TBCA: variants seen among roughly 807,000 people sequenced by gnomAD.
TBCA encodes tubulin-specific chaperone A.
TBCA carries 6 observed loss-of-function variants against 15.8 expected under a neutral mutation model. The ratio of observed to expected loss-of-function variants is 0.38; its 90% CI spans 0.21 to 0.75. The LOEUF (loss-of-function observed/expected upper bound fraction) is 0.75. Among genes scored for constraint, TBCA ranks in the 30% least tolerant of loss-of-function variants. The pLI, the probability that TBCA is intolerant of heterozygous loss-of-function variation, is 0.46. For missense variants in TBCA, 90 were observed against 131.2 expected, an observed-to-expected ratio of 0.69 and a Z score of 1.53; for synonymous variants, 32 against 42.3, an observed-to-expected ratio of 0.76 and a Z score of 0.94.
chr5:77,713,855 A>G (rs1401333786), intron 1 of TBCA, among the ~76,000 whole-genome samples: 2 of 152,170 alleles, frequency 1.3e-5, no homozygotes, highest in African/African-American at 4.8e-5. Flanking sequence ...TAGGTTCATT[A>G]TATAACCCAC....
intron 1 of TBCA, among the ~76,000 whole-genome samples, chr5:77,761,900 A>T (rs1747651928): frequency 6.6e-6 from 1 of 152,250 alleles, no homozygotes. Context: ...TACATGGGAA[A>T]GTTTAATACT....
At chr5:77,716,863 AAGG>A (rs1426870769) in intron 1 of TBCA, among the ~76,000 whole-genome samples, 1 of 152,218 alleles carries the variant, frequency 6.6e-6, no homozygotes, top group East Asian at 1.9e-4. Flanking sequence ...ATGCCCTTCA[AAGG>A]AAGAAACCAA....
At chr5:77,755,926 C>T (rs547872892) in intron 1 of TBCA, among the ~76,000 whole-genome samples, 1 of 152,188 alleles carries the variant, frequency 6.6e-6, no homozygotes, top group African/African-American at 2.4e-5. Context: ...ATAGCTCGAA[C>T]CCGGGAGGCG....
intron 2 of TBCA, among the ~76,000 whole-genome samples, chr5:77,705,231 A>C (rs185339864): frequency 1.9e-4 from 29 of 152,354 alleles, no homozygotes; most frequent in Admixed American, 1.2e-3. Context: ...CATGTAACTG[A>C]TAACTCCTAT....
chr5:77,729,738 GCAAA>G, intron 1 of TBCA, among the ~76,000 whole-genome samples: 1 of 152,178 alleles, frequency 6.6e-6, no homozygotes, highest in African/African-American at 2.4e-5. Flanking sequence ...GATGGGCAAA[GCAAA>G]CATTTACGCT....
intron 1 of TBCA, among the ~76,000 whole-genome samples, chr5:77,775,899 C>G (rs1205083839): frequency 6.6e-6 from 1 of 152,218 alleles, no homozygotes; most frequent in Non-Finnish European, 1.5e-5. Context: ...CCGGCCCGCC[C>G]TCGCAGGCCG....
intron 2 of TBCA, among the ~76,000 whole-genome samples, chr5:77,699,535 A>G (rs1226806964): frequency 6.6e-6 from 1 of 152,244 alleles, no homozygotes; most frequent in East Asian, 1.9e-4. Flanking sequence ...ATTGACTGGC[A>G]AAAAGATGAA....
Position 77,714,019 on chromosome 5 carries a change from A to C in TBCA, c.54-5672T>G, listed in dbSNP as rs375496087. On this transcript the variant is annotated intron_variant, in intron 1 of 3. Transcript: ENST00000380377. ...CAGAATCCATTGAAAAAAAAAAAAA[A>C]CCCCATCTATGTACATTAAGAATTT... Among the ~76,000 whole-genome samples, 28 of 141,896 alleles carry C rather than the reference A, an allele frequency of 2.0e-4. No individual in the cohort carries two copies. The South Asian group carries it at 3.9e-3, about 20-fold the overall frequency. 93.1% of individuals were successfully genotyped at this position (141,896 alleles called of 152,430 possible). A position where few individuals can be genotyped will look rare whatever the true frequency, so the allele number is the denominator to read the frequency against.
chr5:77,766,512 A>ATTTTTTTTT (rs1180091515), intron 1 of TBCA, among the ~76,000 whole-genome samples: 1 of 58,298 alleles, frequency 1.7e-5, no homozygotes, highest in Non-Finnish European at 3.1e-5. Flanking sequence ...TTATTTATTT[A>ATTTTTTTTT]TTTTTTTTTT....
intron 1 of TBCA, among the ~76,000 whole-genome samples, chr5:77,760,144 C>G (rs1384822791): frequency 6.6e-6 from 1 of 152,166 alleles, no homozygotes; most frequent in Admixed American, 6.5e-5. Flanking sequence ...ATTTGATTCT[C>G]TTTCCTACTT....
chr5:77,750,158 A>AGC (rs1236000965), intron 1 of TBCA, among the ~76,000 whole-genome samples: 51 of 151,286 alleles, frequency 3.4e-4, no homozygotes, highest in Non-Finnish European at 6.3e-4. Flanking sequence ...ATAGAGAGAG[A>AGC]GCACAAATAT....
At chr5:77,699,116 T>G (rs1455378723) in intron 2 of TBCA, among the ~76,000 whole-genome samples, 1 of 144,478 alleles carries the variant, frequency 6.9e-6, no homozygotes, top group African/African-American at 2.6e-5. Flanking sequence ...AATTATAAAA[T>G]GCTGATGAAG....
At chr5:77,761,325 A>G (rs1355734286) in intron 1 of TBCA, among the ~76,000 whole-genome samples, 1 of 152,196 alleles carries the variant, frequency 6.6e-6, no homozygotes, top group Admixed American at 6.5e-5. Flanking sequence ...CTGTTAATCT[A>G]TAACCTTACC....
chr5:77,719,700 A>G (rs1220235859), intron 1 of TBCA, among the ~76,000 whole-genome samples: 1 of 152,198 alleles, frequency 6.6e-6, no homozygotes, highest in Non-Finnish European at 1.5e-5. Flanking sequence ...TTTCAATACT[A>G]TGAATCTCAA....
intron 1 of TBCA, among the ~76,000 whole-genome samples, chr5:77,753,282 C>G (rs573105272): frequency 1.3e-5 from 2 of 152,216 alleles, no homozygotes; most frequent in Non-Finnish European, 2.9e-5. Flanking sequence ...TGTGAGCTAG[C>G]TTCTATCAGA....
intron 1 of TBCA, among the ~76,000 whole-genome samples, chr5:77,760,934 G>A (rs555024201): frequency 7.2e-6 from 1 of 138,738 alleles, no homozygotes; most frequent in Non-Finnish European, 1.6e-5. Context: ...GTCTGGGAAG[G>A]GAGGAGCACC....
At chr5:77,761,358 CAT>C (rs1254541848) in intron 1 of TBCA, among the ~76,000 whole-genome samples, 2 of 152,150 alleles carry the variant, frequency 1.3e-5, no homozygotes, top group Admixed American at 1.3e-4. Flanking sequence ...CTCTCTGAAA[CAT>C]GTGCTGTTGT....
intron 1 of TBCA, among the ~76,000 whole-genome samples, chr5:77,766,474 C>G (rs1747779511): frequency 6.6e-6 from 1 of 151,692 alleles, no homozygotes. Context: ...CTTTTTTCTC[C>G]ATTTCTAAGT....
intron 1 of TBCA, among the ~76,000 whole-genome samples, chr5:77,769,815 A>T (rs955465310): frequency 9.2e-5 from 14 of 152,200 alleles, no homozygotes; most frequent in African/African-American, 2.9e-4. Flanking sequence ...ACAAAATTGC[A>T]GTGTGAATTG....
Sources: allele counts gnomAD v4.1 joint callset (sites outside exome capture counted in the v4.1 genomes callset), GRCh38; gene constraint gnomAD v4.1.1; transcripts MANE v1.5; gene names NCBI Gene and HGNC (gene_info 2026-07-23, HGNC 2026-07-21).